CCDC33: variants seen among roughly 807,000 people sequenced by gnomAD.
CCDC33 encodes coiled-coil domain containing 33.
In CCDC33, 94 loss-of-function variants were observed where a neutral mutation model predicts 91.9. The ratio of observed to expected loss-of-function variants is 1.02; its 90% CI spans 0.87 to 1.21. The LOEUF is 1.21. Ranked by LOEUF, CCDC33 falls within the 50% of genes most tolerant of loss-of-function variation. The pLI, the probability that CCDC33 is intolerant of heterozygous loss-of-function variation, is 0.00. For missense variants in CCDC33, 940 were observed against 935.5 expected (o/e 1.00, Z -0.06); for synonymous variants, 396 against 374.5 (o/e 1.06, Z -0.66).
rs1047862098 is a variant in CCDC33 at position 74,244,870 on chromosome 15, T to G, written c.185+722T>G. ...CAAGGAGCATGTCACCCCTAGACCT[T>G]CTATAGACAGACGGCGGGAGCCTTG... On this transcript the variant is annotated intron_variant, in intron 2 of 18. Coordinates refer to ENST00000398814, the MANE Select transcript of CCDC33 (RefSeq NM_025055.5). The surrounding 1 kb of genome is among the most constrained non-coding windows in gnomAD (Gnocchi z 4.2). Among the ~76,000 whole-genome samples, 3 of 152,120 alleles carry G rather than the reference T, an allele frequency of 2.0e-5. No homozygotes were observed. The highest frequency in any genetic ancestry group is 2.9e-5 in the Non-Finnish European group (2 of 68,004).
intron 11 of CCDC33, among the ~76,000 whole-genome samples, chr15:74,313,418 T>TC (rs995930727): frequency 2.2e-4 from 14 of 64,960 alleles, no homozygotes; most frequent in Non-Finnish European, 3.3e-4. Context: ...TTTCTTTCTT[T>TC]TTTTTTTTTT....
At chr15:74,232,937 C>A (rs1253282079), upstream of CCDC33, among the ~76,000 whole-genome samples, 5 of 152,210 alleles carry the variant, frequency 3.3e-5, no homozygotes, top group East Asian at 1.9e-4. Context: ...CCCACCCAGA[C>A]CAGATATCAT....
intron 16 of CCDC33, 119 bp downstream of exon 16, chr15:74,332,964 T>G: frequency 4.1e-6 from 5 of 1,222,470 alleles, no homozygotes; most frequent in Non-Finnish European, 5.6e-6. Context: ...GTCTCCAGTC[T>G]GCCTGGGGGC....
At chr15:74,226,135 A>G (rs2074788660) in intron 2 of CCDC33, among the ~76,000 whole-genome samples, 1 of 152,190 alleles carries the variant, frequency 6.6e-6, no homozygotes, top group South Asian at 2.1e-4. Context: ...GGGAGCTGCC[A>G]GGCTGGGCAG....
chr15:74,284,866 G>C (rs1417769056), intron 10 of CCDC33, among the ~76,000 whole-genome samples: 1 of 152,238 alleles, frequency 6.6e-6, no homozygotes, highest in Non-Finnish European at 1.5e-5. Context: ...GAAGGTACCT[G>C]GTATTCATCT....
chr15:74,315,726 G>A (rs1332188801), intron 11 of CCDC33, among the ~76,000 whole-genome samples: 3 of 152,334 alleles, frequency 2.0e-5, no homozygotes, highest in East Asian at 1.9e-4. Flanking sequence ...GGGGAACTGC[G>A]TGAGCAAAGG....
intron 2 of CCDC33, among the ~76,000 whole-genome samples, chr15:74,250,521 C>T (rs1489912948): frequency 6.6e-6 from 1 of 152,212 alleles, no homozygotes; most frequent in Non-Finnish European, 1.5e-5. Flanking sequence ...CAGCTGTCCT[C>T]ACTGATCTCC....
chr15:74,336,443 A>T, downstream of CCDC33: 2 of 1,286,534 alleles, frequency 1.6e-6, no homozygotes, highest in Non-Finnish European at 2.0e-6. Flanking sequence ...GCCCCAAAAC[A>T]TCTATCATGT....
At chr15:74,272,989 G>T in intron 7 of CCDC33, 98 bp downstream of exon 7, 1 of 1,482,372 alleles carries the variant, frequency 6.7e-7, no homozygotes, top group Non-Finnish European at 9.3e-7. Flanking sequence ...CTTGACTATC[G>T]AGTAAGAGTT....
chr15:74,240,047 A>G (rs1247475958), intron 1 of CCDC33, among the ~76,000 whole-genome samples: 2 of 152,174 alleles, frequency 1.3e-5, no homozygotes, highest in African/African-American at 4.8e-5. Context: ...CTGGCCCACC[A>G]TCCCCCTTCT....
intron 17 of CCDC33, among the ~76,000 whole-genome samples, chr15:74,334,387 G>C (rs2142899827): frequency 1.3e-5 from 2 of 151,924 alleles, no homozygotes; most frequent in Middle Eastern, 6.8e-3. Flanking sequence ...TCCAGGGTCA[G>C]GGTTCAGTGT....
At chr15:74,318,854 C>T (rs1039077084) in intron 11 of CCDC33, among the ~76,000 whole-genome samples, 6 of 152,158 alleles carry the variant, frequency 3.9e-5, no homozygotes, top group Non-Finnish European at 8.8e-5. Flanking sequence ...CCCCTGGCTC[C>T]AGCCTAGGCC....
chr15:74,274,752 GGCTGCCTTT>G (rs1398331486), intron 7 of CCDC33, among the ~76,000 whole-genome samples: 5 of 152,338 alleles, frequency 3.3e-5, no homozygotes, highest in African/African-American at 9.6e-5. Context: ...GGCTTTCTCT[GGCTGCCTTT>G]GCTGCCTAAC....
At chr15:74,221,610 T>C (rs1473639082) in intron 2 of CCDC33, 2 of 152,080 alleles carry the variant, frequency 1.3e-5, no homozygotes, top group Non-Finnish European at 2.9e-5. Flanking sequence ...GGGGAGGTGA[T>C]GGTGGGAGGG....
At chr15:74,266,868 C>A in intron 4 of CCDC33, 81 bp downstream of exon 4, 1 of 1,013,996 alleles carries the variant, frequency 9.9e-7, no homozygotes, top group South Asian at 1.3e-5. Context: ...TCGGAGCAGC[C>A]CTGAGCATCC....
chr15:74,295,477 A>T (rs993758470), intron 10 of CCDC33, among the ~76,000 whole-genome samples: 4 of 152,024 alleles, frequency 2.6e-5, no homozygotes, highest in Non-Finnish European at 4.4e-5. Flanking sequence ...TAAGAAGGAG[A>T]CAGCTGCGTA....
chr15:74,252,341 C>T (rs1241986757), intron 2 of CCDC33, among the ~76,000 whole-genome samples: 1 of 152,128 alleles, frequency 6.6e-6, no homozygotes, highest in Non-Finnish European at 1.5e-5. Flanking sequence ...GGTGGAGGCT[C>T]ACAATGACTC....
intron 11 of CCDC33, 57 bp downstream of exon 11, chr15:74,296,005 G>C (rs1005394554): frequency 6.9e-7 from 1 of 1,445,376 alleles, no homozygotes; most frequent in Non-Finnish European, 9.4e-7. Flanking sequence ...CATGGGAAGG[G>C]GACTTGACTG....
Position 74,236,685 on chromosome 15 carries a change from G to A in CCDC33, c.-35G>A, listed in dbSNP as rs1403663946. The A allele has an allele frequency of 3.7e-6, 6 of 1,611,656 alleles. No individual in the cohort carries two copies. The highest frequency in any genetic ancestry group is 3.4e-6 in the Non-Finnish European group (4 of 1,178,420). On this transcript the variant is annotated 5_prime_UTR_variant, in exon 1 of 19. Coordinates refer to ENST00000398814, the MANE Select transcript of CCDC33 (RefSeq NM_025055.5). ...ATACCAAGTACTCATCCCCAAGATT[G>A]TTAAACAAGGCCAGACACTCCTGGC...
Sources: allele counts gnomAD v4.1 joint callset (sites outside exome capture counted in the v4.1 genomes callset), GRCh38; gene constraint gnomAD v4.1.1; non-coding constraint Gnocchi (gnomAD v3.1); transcripts MANE v1.5; gene names NCBI Gene and HGNC (gene_info 2026-07-23, HGNC 2026-07-21).